The following TMEM132C variants were observed in gnomAD, a reference collection of about 807,000 sequenced individuals.
The protein encoded by TMEM132C is transmembrane protein 132C.
Under a neutral mutation model 61.4 loss-of-function variants are expected in TMEM132C, and 29 were observed. The ratio of observed to expected loss-of-function variants is 0.47; its 90% CI spans 0.35 to 0.64. The LOEUF is 0.64. TMEM132C is among the 30% of genes least tolerant of loss of function. The pLI is 0.00. For synonymous variants in TMEM132C, 656 were observed against 633.1 expected, an observed-to-expected ratio of 1.04 and a Z score of -0.54; for missense variants, 1,408 against 1,476.9, an observed-to-expected ratio of 0.95 and a Z score of 0.76.
intron 1 of TMEM132C, among the ~76,000 whole-genome samples, chr12:128,319,398 T>A (rs1380297168): frequency 6.6e-6 from 1 of 150,958 alleles, no homozygotes; most frequent in African/African-American, 2.5e-5. Flanking sequence ...TGTGTGTGTG[T>A]CTGTCTGTTG....
At chr12:128,505,587 A>T (rs1225530739) in intron 2 of TMEM132C, among the ~76,000 whole-genome samples, 1 of 152,220 alleles carries the variant, frequency 6.6e-6, no homozygotes, top group African/African-American at 2.4e-5. Flanking sequence ...TGTTGTAAAA[A>T]TAGCGTGATA....
rs1491015337 is a variant in TMEM132C, at chr12:128,686,107, CAT to C, written c.1450-7721_1450-7720del. On this transcript the variant is annotated intron_variant, in intron 5 of 8. Transcript: ENST00000435159. ...TGTGTGTTGTGTGCGCATGTGTGTG[CAT>C]GTGTGTGTGCATGTATGTGTGCATG... Among the ~76,000 whole-genome samples, 12 of 88,532 alleles carry C rather than the reference CAT, an allele frequency of 1.4e-4. 1 individual carries two copies. The South Asian group carries it at 3.7e-3, about 27-fold the overall frequency. The allele number at this position is 88,532 out of a possible 152,430, so 58.1% of individuals were successfully genotyped here.
chr12:128,477,489 C>T (rs1187514050), intron 2 of TMEM132C, among the ~76,000 whole-genome samples: 3 of 152,198 alleles, frequency 2.0e-5, no homozygotes, highest in Non-Finnish European at 2.9e-5. Flanking sequence ...CGCAAACCCC[C>T]TTTCAGGGCT....
At chr12:128,545,141 G>A (rs1873903500) in intron 3 of TMEM132C, among the ~76,000 whole-genome samples, 1 of 152,130 alleles carries the variant, frequency 6.6e-6, no homozygotes, top group Non-Finnish European at 1.5e-5. Flanking sequence ...GGCTCTAGGG[G>A]TCCCCAGTGT....
chr12:128,437,886 C>G (rs993256278), intron 2 of TMEM132C: 2 of 152,308 alleles, frequency 1.3e-5, no homozygotes, highest in East Asian at 3.9e-4. Flanking sequence ...TTAGTGTACT[C>G]TGATCTCTTT....
Position 128,669,304 on chromosome 12 carries a change from G to A in TMEM132C, c.1306-113G>A, listed in dbSNP as rs1954506761. The A allele has an allele frequency of 8.4e-6, 11 of 1,308,468 alleles. No individual in the cohort carries two copies. In the South Asian group the frequency reaches 1.6e-4, roughly 19 times the overall value. The allele number at this position is 1,308,468 out of a possible 1,614,324, so 81.1% of individuals were successfully genotyped here. ...GTATGTAAATGGTACAGTGTGTCTTGTACAAACAAGGACAGCCTGGTGTTT... is the reference window on the plus strand; with the variant it reads ...GTATGTAAATGGTACAGTGTGTCTTATACAAACAAGGACAGCCTGGTGTTT... On this transcript the variant is annotated intron_variant, in intron 4 of 8. Coordinates refer to ENST00000435159, the MANE Select transcript of TMEM132C (RefSeq NM_001136103.3).
chr12:128,546,249 C>T (rs1296218803), intron 3 of TMEM132C, among the ~76,000 whole-genome samples: 5 of 152,092 alleles, frequency 3.3e-5, no homozygotes, highest in Non-Finnish European at 7.4e-5. Flanking sequence ...GTCCCTTGTT[C>T]CAAGCAGGAG....
intron 1 of TMEM132C, among the ~76,000 whole-genome samples, chr12:128,284,661 C>A (rs959700297): frequency 6.6e-6 from 1 of 152,040 alleles, no homozygotes; most frequent in Admixed American, 6.6e-5. Context: ...TAACTCTAGC[C>A]CACATAAATA....
At chr12:128,694,112 G>T (rs2135653099) in intron 6 of TMEM132C, 78 bp downstream of exon 6, 1 of 1,423,392 alleles carries the variant, frequency 7.0e-7, no homozygotes, top group Non-Finnish European at 9.6e-7. Context: ...AGGACCCAAT[G>T]CTTAAGAGAT....
intron 1 of TMEM132C, among the ~76,000 whole-genome samples, chr12:128,275,226 G>C (rs1419460159): frequency 6.6e-6 from 1 of 152,214 alleles, no homozygotes; most frequent in Non-Finnish European, 1.5e-5. Flanking sequence ...CTGCAGAGCA[G>C]GAGGTGAGTG....
intron 1 of TMEM132C, among the ~76,000 whole-genome samples, chr12:128,412,029 A>C (rs1269948698): frequency 6.6e-6 from 1 of 152,220 alleles, no homozygotes; most frequent in South Asian, 2.1e-4. Flanking sequence ...TTTACTCACT[A>C]TCATTCAATG....
At chr12:128,350,486 G>C (rs1305340834) in intron 1 of TMEM132C, among the ~76,000 whole-genome samples, 3 of 152,146 alleles carry the variant, frequency 2.0e-5, no homozygotes, top group African/African-American at 7.2e-5. Flanking sequence ...GTGAATATTT[G>C]GGGAGGAGCT....
At chr12:128,381,919 C>A (rs566709152) in intron 1 of TMEM132C, among the ~76,000 whole-genome samples, 2 of 152,292 alleles carry the variant, frequency 1.3e-5, no homozygotes, top group African/African-American at 4.8e-5. Context: ...AGGAAGACAA[C>A]CCCGCAAAGG....
At chr12:128,567,628 G>C (rs773551851) in intron 3 of TMEM132C, among the ~76,000 whole-genome samples, 2 of 152,178 alleles carry the variant, frequency 1.3e-5, no homozygotes, top group Non-Finnish European at 2.9e-5. Context: ...TATGTCACTA[G>C]AAAGTGGCCT....
In TMEM132C at chr12:128,487,442, A is replaced by G. The variant is rs571907570; in HGVS notation, c.975-56515A>G. On this transcript the variant is annotated intron_variant, in intron 2 of 8. Coordinates refer to ENST00000435159, the MANE Select transcript of TMEM132C (RefSeq NM_001136103.3). ...CTACTTTGGTCTCTCTCTGGCCTTC[A>G]GTATAGTCTTTTATACATATAAATT... Among the ~76,000 whole-genome samples the G allele has an allele frequency of 8.1e-5, 12 of 147,898 alleles. No homozygotes were observed. In the South Asian group the frequency reaches 2.7e-3, roughly 33 times the overall value.
At chr12:128,609,357 G>A (rs556419222) in intron 3 of TMEM132C, among the ~76,000 whole-genome samples, 1 of 146,132 alleles carries the variant, frequency 6.8e-6, no homozygotes, top group Non-Finnish European at 1.5e-5. Context: ...TCCCACCTCA[G>A]CCTCCCAAGT....
intron 5 of TMEM132C, among the ~76,000 whole-genome samples, chr12:128,684,147 G>A (rs956306623): frequency 1.4e-4 from 21 of 151,884 alleles, no homozygotes; most frequent in Non-Finnish European, 2.6e-4. Flanking sequence ...AGCATTTATT[G>A]CTCACAATTA....
chr12:128,595,879 C>T (rs1056873287), intron 3 of TMEM132C, among the ~76,000 whole-genome samples: 3 of 152,248 alleles, frequency 2.0e-5, no homozygotes, highest in African/African-American at 7.2e-5. Flanking sequence ...AGAACGTAGC[C>T]TCCCATCACA....
At chr12:128,686,372 G>T (rs971482252) in intron 5 of TMEM132C, among the ~76,000 whole-genome samples, 1 of 152,166 alleles carries the variant, frequency 6.6e-6, no homozygotes, top group Non-Finnish European at 1.5e-5. Context: ...AGGGAGAATT[G>T]CTTAAGCCCA....
Sources: gnomAD v4.1 joint callset for allele counts (sites outside exome capture counted in the v4.1 genomes callset) on GRCh38, gnomAD v4.1.1 for gene constraint, MANE v1.5 for transcripts, NCBI Gene and HGNC (gene_info 2026-07-23, HGNC 2026-07-21) for gene names.